The following SETBP1 variants were observed in gnomAD, a reference collection of about 807,000 sequenced individuals.
The protein encoded by SETBP1 is SET binding protein 1.
In SETBP1, 9 loss-of-function variants were observed where a neutral mutation model predicts 101.0. That is an observed-to-expected ratio of 0.09 (90% CI 0.05 to 0.16). SETBP1 has a LOEUF of 0.16. SETBP1 is among the 10% of genes least tolerant of loss of function. The pLI, the probability that SETBP1 is intolerant of heterozygous loss-of-function variation, is 1.00. For missense variants in SETBP1, 1,858 were observed against 2,033.8 expected (o/e 0.91, Z 1.66); for synonymous variants, 818 against 788.5 (o/e 1.04, Z -0.63).
chr18:44,938,964 G>GTGTA (rs1251429187), intron 3 of SETBP1, among the ~76,000 whole-genome samples: 1 of 151,366 alleles, frequency 6.6e-6, no homozygotes, highest in Non-Finnish European at 1.5e-5. Flanking sequence ...GTGCATGTGT[G>GTGTA]TGTGTGTGTG....
chr18:44,922,762 C>T (rs1232862757), intron 3 of SETBP1, among the ~76,000 whole-genome samples: 5 of 152,164 alleles, frequency 3.3e-5, no homozygotes, highest in Admixed American at 2.6e-4. Context: ...TGAAGTGTCT[C>T]TCTCCTTTCA....
intron 3 of SETBP1, among the ~76,000 whole-genome samples, chr18:44,936,602 C>A (rs1012114079): frequency 6.6e-6 from 1 of 152,134 alleles, no homozygotes; most frequent in African/African-American, 2.4e-5. Context: ...CTAAAAACAG[C>A]CATAGGAGGG....
chr18:44,781,411 A>G (rs900886264), intron 2 of SETBP1, among the ~76,000 whole-genome samples: 2 of 151,870 alleles, frequency 1.3e-5, no homozygotes, highest in African/African-American at 2.4e-5. Context: ...TCTTATCACC[A>G]AAGCAACAGA....
intron 3 of SETBP1, among the ~76,000 whole-genome samples, chr18:44,920,308 G>A (rs1340992472): frequency 6.6e-6 from 1 of 152,038 alleles, no homozygotes; most frequent in Non-Finnish European, 1.5e-5. Flanking sequence ...ATTGCATTGG[G>A]GATTAAATTT....
At chr18:45,051,299 G>A (rs2073716757) in intron 5 of SETBP1, among the ~76,000 whole-genome samples, 1 of 151,836 alleles carries the variant, frequency 6.6e-6, no homozygotes, top group Non-Finnish European at 1.5e-5. Context: ...GCCGTCTTGA[G>A]TCTGTTCAAG....
chr18:44,774,965 T>C lies in SETBP1; in HGVS notation c.486+73133T>C, dbSNP rs571069433. Among the ~76,000 whole-genome samples the C allele has an allele frequency of 4.6e-5, 7 of 152,154 alleles. No homozygotes were observed. In the East Asian group the frequency reaches 1.4e-3, roughly 29 times the overall value. On this transcript the variant is annotated intron_variant, in intron 2 of 5. Transcript: ENST00000649279. ...GCACTTCAAATTTGATATAATGCTT[T>C]GGAGCTAGGCTAATGGAAAGGTTCC...
intron 4 of SETBP1, among the ~76,000 whole-genome samples, chr18:44,982,035 C>G (rs930057086): frequency 6.6e-6 from 1 of 152,094 alleles, no homozygotes; most frequent in Non-Finnish European, 1.5e-5. Context: ...AAAAAACACC[C>G]CATAAAGCGA....
At chr18:44,775,520 A>C (rs2070980311) in intron 2 of SETBP1, among the ~76,000 whole-genome samples, 1 of 151,870 alleles carries the variant, frequency 6.6e-6, no homozygotes, top group African/African-American at 2.4e-5. Flanking sequence ...CCCTACCATC[A>C]CTTCCTCCAT....
intron 4 of SETBP1, among the ~76,000 whole-genome samples, chr18:44,956,937 T>C (rs994868868): frequency 6.6e-6 from 1 of 152,244 alleles, no homozygotes; most frequent in Non-Finnish European, 1.5e-5. Context: ...CATTTTTCTG[T>C]ATTTTACGCC....
chr18:44,797,423 A>G (rs2071503575), intron 2 of SETBP1, among the ~76,000 whole-genome samples: 1 of 152,184 alleles, frequency 6.6e-6, no homozygotes, highest in Non-Finnish European at 1.5e-5. Flanking sequence ...AATGTCATGT[A>G]TTTTGCATTA....
intron 1 of SETBP1, among the ~76,000 whole-genome samples, chr18:44,694,338 A>G (rs2068980603): frequency 6.6e-6 from 1 of 152,042 alleles, no homozygotes; most frequent in African/African-American, 2.4e-5. Context: ...CAGCCTCCTG[A>G]GTAGCTGGGA....
At chr18:45,000,081 C>A (rs1568019687) in intron 4 of SETBP1, among the ~76,000 whole-genome samples, 1 of 152,214 alleles carries the variant, frequency 6.6e-6, no homozygotes, top group Non-Finnish European at 1.5e-5. Context: ...GTCCTAGTAG[C>A]AGTGCACTCT....
At chr18:44,769,784 G>T (rs1305896549) in intron 2 of SETBP1, among the ~76,000 whole-genome samples, 1 of 152,210 alleles carries the variant, frequency 6.6e-6, no homozygotes, top group East Asian at 1.9e-4. Flanking sequence ...GAGGGAAAAG[G>T]CAGAGTCTTG....
chr18:44,802,487 C>G (rs2144782273), intron 2 of SETBP1, among the ~76,000 whole-genome samples: 1 of 152,272 alleles, frequency 6.6e-6, no homozygotes, highest in South Asian at 2.1e-4. Flanking sequence ...TGCTCTCTTT[C>G]CTTGTCAGTA....
chr18:45,050,529 A>G (rs2073704427), intron 5 of SETBP1, among the ~76,000 whole-genome samples: 1 of 152,228 alleles, frequency 6.6e-6, no homozygotes, highest in Non-Finnish European at 1.5e-5. Flanking sequence ...TTCCCCAGGA[A>G]TTATGTTTTC....
intron 5 of SETBP1, among the ~76,000 whole-genome samples, chr18:45,045,434 T>A (rs1354150467): frequency 6.6e-6 from 1 of 152,082 alleles, no homozygotes. Flanking sequence ...CATCCTCCCC[T>A]CCAAAAAGAA....
intron 1 of SETBP1, among the ~76,000 whole-genome samples, chr18:44,698,446 C>A (rs557247506): frequency 5.6e-4 from 86 of 152,280 alleles, no homozygotes; most frequent in Middle Eastern, 3.4e-3. Context: ...CCAGCCTCAC[C>A]TCTCATAGAT....
At chr18:44,906,085 T>A (rs1307213693) in intron 3 of SETBP1, among the ~76,000 whole-genome samples, 1 of 152,154 alleles carries the variant, frequency 6.6e-6, no homozygotes. Context: ...ATAAAACTCC[T>A]CAGTCCTATT....
Position 45,066,835 on chromosome 18 carries a change from G to A in SETBP1, c.*3137G>A, listed in dbSNP as rs539085841. On this transcript the variant is annotated 3_prime_UTR_variant, in exon 6 of 6. Transcript: ENST00000649279. ...GCAGATGCAGACCCACTTGTAAGGA[G>A]TCTGGTTAGTGATGAGAAAAGGATG... is the stretch of plus-strand genomic sequence containing the variant. 6.6e-6 allele frequency: 1 copy of A among 152,214 alleles called. No individual in the cohort carries two copies. The highest frequency in any genetic ancestry group is 1.9e-4 in the East Asian group (1 of 5,172). 9.4% of individuals were successfully genotyped at this position (152,214 alleles called of 1,614,324 possible).
Sources: allele counts gnomAD v4.1 joint callset (sites outside exome capture counted in the v4.1 genomes callset), GRCh38; gene constraint gnomAD v4.1.1; transcripts MANE v1.5; gene names NCBI Gene and HGNC (gene_info 2026-07-23, HGNC 2026-07-21).